The following CPEB4 variants were observed in gnomAD, a reference collection of about 807,000 sequenced individuals.
CPEB4 encodes the protein cytoplasmic polyadenylation element binding protein 4, also known as cytoplasmic polyadenylation element-binding protein 4.
A neutral mutation model predicts 72.5 loss-of-function variants in CPEB4; 12 were observed. That is an observed-to-expected ratio of 0.17 (90% CI 0.11 to 0.27). CPEB4 has a LOEUF of 0.27. Ranked by LOEUF, CPEB4 falls within the 10% of genes least tolerant of loss-of-function variation. CPEB4 has a pLI of 1.00. For missense variants in CPEB4, 614 were observed against 908.5 expected (o/e 0.68, Z 4.17); for synonymous variants, 302 against 326.3 (o/e 0.93, Z 0.80).
At position 173,950,630 on chromosome 5, in the gene CPEB4, AAAT is replaced by A. The variant is rs1758184250; in HGVS notation, c.1665+555_1665+557del. Reference sequence around the variant, plus strand: ...AAATAAAATAAAATAAAATAAAATAAAATAAAAAACCAGACTTCATTTGATAAT... The same window carrying A: ...AAATAAAATAAAATAAAATAAAATAAAAAAAACCAGACTTCATTTGATAAT... On this transcript the variant is annotated intron_variant, in intron 7 of 9. Coordinates refer to ENST00000265085, the MANE Select transcript of CPEB4 (RefSeq NM_030627.4). This position sits in a 1 kb window ranked among gnomAD's most constrained non-coding sequence, Gnocchi z 5.0. 7.2e-5 allele frequency among the ~76,000 whole-genome samples: 11 copies of A among 151,960 alleles called. No homozygotes were observed. Among genetic ancestry groups the A allele is most frequent in the Admixed American group, 7.2e-4 (11 of 15,242 alleles).
chr5:173,931,749 TC>T (rs1211080008), intron 2 of CPEB4, among the ~76,000 whole-genome samples: 1 of 152,172 alleles, frequency 6.6e-6, no homozygotes, highest in Non-Finnish European at 1.5e-5. Flanking sequence ...CCAGTGCCAT[TC>T]CCCCCGCCAT....
intron 4 of CPEB4, among the ~76,000 whole-genome samples, chr5:173,944,465 A>G (rs1419887482): frequency 8.2e-6 from 1 of 122,338 alleles, no homozygotes; most frequent in Non-Finnish European, 1.9e-5. Flanking sequence ...AAAGAGCGAG[A>G]CACTGTCTCA....
chr5:173,910,075 AT>A (rs1756591202), intron 1 of CPEB4, among the ~76,000 whole-genome samples: 1 of 150,128 alleles, frequency 6.7e-6, no homozygotes, highest in South Asian at 2.1e-4. Flanking sequence ...TTCGATGACT[AT>A]TTTTAAACTT....
intron 2 of CPEB4, 198 bp downstream of exon 2, chr5:173,910,802 C>T (rs902221507): frequency 1.9e-6 from 1 of 534,414 alleles, no homozygotes; most frequent in African/African-American, 2.0e-5. Flanking sequence ...CATCGTGATA[C>T]CAGGTAAGAG....
intron 2 of CPEB4, among the ~76,000 whole-genome samples, chr5:173,928,153 TA>T (rs1215576409): frequency 1.3e-5 from 2 of 152,086 alleles, no homozygotes; most frequent in African/African-American, 4.8e-5. Flanking sequence ...GAGGGATGAA[TA>T]GGGGGAGCAC....
Position 173,888,443 on chromosome 5 carries a change from C to T in CPEB4, c.-1291C>T, listed in dbSNP as rs1755686760. On this transcript the variant is annotated 5_prime_UTR_variant, in exon 1 of 10. Transcript: ENST00000265085. This position sits in a 1 kb window ranked among gnomAD's most constrained non-coding sequence, Gnocchi z 4.3. Reference sequence around the variant, plus strand: ...GCGGCGGCGGCGGCAGCAGCGGCGACAGCAGAGGAGGAAGAGGAGGAAGAA... The same window carrying T: ...GCGGCGGCGGCGGCAGCAGCGGCGATAGCAGAGGAGGAAGAGGAGGAAGAA... The T allele has an allele frequency of 2.2e-6, 1 of 455,430 alleles. No individual in the cohort carries two copies. Among genetic ancestry groups the T allele is most frequent in the South Asian group, 5.6e-5 (1 of 17,896 alleles). The allele number at this position is 455,430 out of a possible 1,614,324, so 28.2% of individuals were successfully genotyped here. A position where few individuals can be genotyped will look rare whatever the true frequency, so the allele number is the denominator to read the frequency against.
rs1046711291 is a variant in CPEB4, at chr5:173,957,432, A to G, written c.*1295A>G. The G allele has an allele frequency of 1.3e-5, 2 of 152,808 alleles. No individual in the cohort carries two copies. Among genetic ancestry groups the G allele is most frequent in the African/African-American group, 2.4e-5 (1 of 41,476 alleles). 9.5% of individuals were successfully genotyped at this position (152,808 alleles called of 1,614,324 possible). A position where few individuals can be genotyped will look rare whatever the true frequency, so the allele number is the denominator to read the frequency against. ...TACTCTTCCTATAAACTAAAATAAC[A>G]TTACAGTTTCCGAATTTAGCATGGG... On this transcript the variant is annotated 3_prime_UTR_variant, in exon 10 of 10. Coordinates refer to ENST00000265085, the MANE Select transcript of CPEB4 (RefSeq NM_030627.4).
intron 1 of CPEB4, among the ~76,000 whole-genome samples, chr5:173,895,238 T>C (rs898481994): frequency 6.6e-6 from 1 of 152,136 alleles, no homozygotes; most frequent in African/African-American, 2.4e-5. Flanking sequence ...GCAGATAATA[T>C]ATTGGGGCAC....
At chr5:173,952,546 C>T (rs750783928) in intron 8 of CPEB4, among the ~76,000 whole-genome samples, 2 of 152,078 alleles carry the variant, frequency 1.3e-5, no homozygotes, top group Non-Finnish European at 2.9e-5. Flanking sequence ...ACGATTTTAA[C>T]ACTTCATAAA....
At chr5:173,953,559 A>C (rs988710313) in intron 9 of CPEB4, 16 of 377,950 alleles carry the variant, frequency 4.2e-5, no homozygotes. Context: ...TTAGTTTGTA[A>C]GTCATTCAAT....
chr5:173,953,050 T>A (rs947999910), intron 8 of CPEB4, 41 bp from the exon 9 acceptor site: 1 of 1,521,074 alleles, frequency 6.6e-7, no homozygotes, highest in African/African-American at 1.4e-5. Flanking sequence ...CAGATGAATT[T>A]TCCTGATTTT....
At chr5:173,918,459 T>G (rs1756957416) in intron 2 of CPEB4, among the ~76,000 whole-genome samples, 1 of 152,142 alleles carries the variant, frequency 6.6e-6, no homozygotes, top group Admixed American at 6.5e-5. Flanking sequence ...CCCTTTCAGA[T>G]TTGGGGTTGC....
At chr5:173,924,730 A>T (rs1044515018) in intron 2 of CPEB4, among the ~76,000 whole-genome samples, 1 of 152,208 alleles carries the variant, frequency 6.6e-6, no homozygotes, top group Non-Finnish European at 1.5e-5. Context: ...TCACAAGATG[A>T]TACCGGCTTG....
intron 9 of CPEB4, among the ~76,000 whole-genome samples, chr5:173,954,793 C>T (rs1758325632): frequency 6.6e-6 from 1 of 152,184 alleles, no homozygotes; most frequent in Non-Finnish European, 1.5e-5. Flanking sequence ...TGTTCCTCTG[C>T]AATGAAATCC....
At chr5:173,909,660 T>C (rs1756569230) in intron 1 of CPEB4, among the ~76,000 whole-genome samples, 2 of 152,150 alleles carry the variant, frequency 1.3e-5, no homozygotes, top group South Asian at 4.1e-4. Flanking sequence ...TTTGATAATA[T>C]ATAGAGATGA....
At chr5:173,952,418 T>G (rs1758243229) in intron 8 of CPEB4, among the ~76,000 whole-genome samples, 1 of 152,250 alleles carries the variant, frequency 6.6e-6, no homozygotes, top group Non-Finnish European at 1.5e-5. Flanking sequence ...TTCCCAGCAA[T>G]GCATCAGATT....
At chr5:173,907,332 A>G (rs1409701888) in intron 1 of CPEB4, among the ~76,000 whole-genome samples, 1 of 152,236 alleles carries the variant, frequency 6.6e-6, no homozygotes, top group African/African-American at 2.4e-5. Flanking sequence ...AAAAACTTAC[A>G]GGTAAAAAGG....
intron 1 of CPEB4, among the ~76,000 whole-genome samples, chr5:173,905,540 C>T (rs574887639): frequency 1.5e-4 from 23 of 152,118 alleles, no homozygotes; most frequent in Middle Eastern, 3.4e-3. Flanking sequence ...AGGCTGGTCT[C>T]GAACTCCTGA....
Position 173,945,092 on chromosome 5 carries a change from T to C in CPEB4, c.1408T>C (p.Tyr470His). The C allele has an allele frequency of 6.2e-7, 1 of 1,613,772 alleles. No individual in the cohort carries two copies. Among genetic ancestry groups the C allele is most frequent in the Non-Finnish European group, 8.5e-7 (1 of 1,179,864 alleles). Residue 470 changes from tyrosine (Y) to histidine (H), a missense_variant, in exon 5 of 10, where the codon TAT becomes CAT. Coordinates refer to ENST00000265085, the MANE Select transcript of CPEB4 (RefSeq NM_030627.4). ...CCAGAATGGGGAAAGAGTGGAACGA[T>C]ATTCTCGAAAGGTGTTTGTAGGCGG... ...SHQNGERVER[Y>H]SRKVFVGGLP... is the part of the protein sequence containing the mutation.
Sources: allele counts gnomAD v4.1 joint callset (sites outside exome capture counted in the v4.1 genomes callset), GRCh38; gene constraint gnomAD v4.1.1; non-coding constraint Gnocchi (gnomAD v3.1); transcripts MANE v1.5; gene names NCBI Gene and HGNC (gene_info 2026-07-23, HGNC 2026-07-21).